Variants in CEPT1 observed in about 807,000 individuals in gnomAD.
CEPT1 encodes the protein choline/ethanolaminephosphotransferase 1.
CEPT1 carries 7 observed loss-of-function variants against 42.6 expected under a neutral mutation model. The observed-to-expected ratio is 0.16, with a 90% CI of 0.09 to 0.31. The LOEUF is 0.31. Ranked by LOEUF, CEPT1 falls within the 10% of genes least tolerant of loss-of-function variation. The pLI is 1.00. For synonymous variants in CEPT1, 171 were observed against 171.9 expected, an observed-to-expected ratio of 0.99 and a Z score of 0.04; for missense variants, 306 against 502.1, an observed-to-expected ratio of 0.61 and a Z score of 3.73.
intron 8 of CEPT1, among the ~76,000 whole-genome samples, 194 bp downstream of exon 8, chr1:111,183,781 A>G (rs79558412): frequency 0.017 from 2,662 of 152,242 alleles, 84 homozygotes; most frequent in African/African-American, 0.06. Flanking sequence ...CATTAATCTT[A>G]CTAGTCCTGC....
Position 111,182,864 on chromosome 1 carries a change from C to T in CEPT1, c.912C>T (p.Tyr304=), listed in dbSNP as rs1262737696. The change falls in exon 7 of 9, where the codon TAC becomes TAT. Residue 304 remains tyrosine (Y), a synonymous_variant. Coordinates refer to ENST00000357172, the MANE Select transcript of CEPT1 (RefSeq NM_006090.5). ...TGATTACATTAGCTGCAATGATCTACAAGAAATCTGCAGTTCAGCTTTTTG... is the reference window on the plus strand; with the variant it reads ...TGATTACATTAGCTGCAATGATCTATAAGAAATCTGCAGTTCAGCTTTTTG... The part of the protein sequence containing the change: ...GSVITLAAMI[Y]KKSAVQLFEK... 1.9e-6 allele frequency: 3 copies of T among 1,613,356 alleles called. No homozygotes were observed. Among genetic ancestry groups the T allele is most frequent in the South Asian group, 2.2e-5 (2 of 91,066 alleles).
chr1:111,142,811 CAAAA>C (rs1352049364), intron 1 of CEPT1, among the ~76,000 whole-genome samples: 1 of 151,854 alleles, frequency 6.6e-6, no homozygotes, highest in East Asian at 1.9e-4. Context: ...CACAAACAAA[CAAAA>C]AAAGTTCAAA....
At chr1:111,180,686 A>AT (rs555187061) in intron 5 of CEPT1, 2 of 152,336 alleles carry the variant, frequency 1.3e-5, no homozygotes, top group South Asian at 4.1e-4. Flanking sequence ...AAGAGGTAAC[A>AT]GAGTTATCTC....
rs1655853228 is a variant in CEPT1, at chr1:111,161,248, A to G, written c.581A>G (p.Tyr194Cys). The G allele has an allele frequency of 1.9e-6, 3 of 1,613,902 alleles. No individual in the cohort carries two copies. Among genetic ancestry groups the G allele is most frequent in the Non-Finnish European group, 1.7e-6 (2 of 1,179,896 alleles). ...TGTTTTGCGGGGACATTTATGTTCT[A>G]TTGTGCGCACTGGCAAACGTATGTT... The part of the protein sequence containing the change: ...FCCFAGTFMF[Y>C]CAHWQTYVSG... The change falls in exon 4 of 9, where the codon TAT becomes TGT. Residue 194 changes from tyrosine (Y) to cysteine (C), a missense_variant. Tyr to Cys is a radical substitution (Grantham distance 194). Transcript: ENST00000357172.
chr1:111,167,438 C>G, intron 4 of CEPT1: 1 of 879,686 alleles, frequency 1.1e-6, no homozygotes, highest in Non-Finnish European at 1.4e-6. Context: ...TCCTGTTTGC[C>G]TATTGTGCCT....
At chr1:111,151,128 GTTT>G (rs34545608) in intron 2 of CEPT1, among the ~76,000 whole-genome samples, 2 of 135,142 alleles carry the variant, frequency 1.5e-5, no homozygotes, top group Non-Finnish European at 3.1e-5. Flanking sequence ...TTTTTTGTTT[GTTT>G]TTTTTTTTTT....
At chr1:111,149,158 G>A (rs191671152) in intron 2 of CEPT1, among the ~76,000 whole-genome samples, 39 of 151,802 alleles carry the variant, frequency 2.6e-4, no homozygotes, top group Non-Finnish European at 4.6e-4. Flanking sequence ...CAGAACATGT[G>A]ATTTCTGTTA....
chr1:111,161,050 G>T (rs978424457), intron 3 of CEPT1, 105 bp from the exon 4 acceptor site: 1 of 1,115,502 alleles, frequency 9.0e-7, no homozygotes, highest in African/African-American at 1.5e-5. Flanking sequence ...ACTGAGAGAA[G>T]ATTATGCATT....
chr1:111,182,861 C>G lies in CEPT1; in HGVS notation c.909C>G (p.Ile303Met). 6.2e-7 allele frequency: 1 copy of G among 1,613,558 alleles called. No homozygotes were observed. Among genetic ancestry groups the G allele is most frequent in the East Asian group, 2.2e-5 (1 of 44,858 alleles). The change falls in exon 7 of 9, where the codon ATC (isoleucine) becomes ATG (methionine). Residue 303 changes from isoleucine (I) to methionine (M), a missense_variant. Ile to Met is a conservative substitution (Grantham distance 10). Around this residue, in one of 2 missense-constraint regions of CEPT1, gnomAD observed 253 missense variants for 447.3 expected, o/e 0.57. Transcript: ENST00000357172. ...IGSVITLAAM[I>M]YKKSAVQLFE... is the part of the protein sequence containing the mutation. Reference sequence around the variant, plus strand: ...CAGTGATTACATTAGCTGCAATGATCTACAAGAAATCTGCAGTTCAGCTTT... The same window carrying G: ...CAGTGATTACATTAGCTGCAATGATGTACAAGAAATCTGCAGTTCAGCTTT...
intron 1 of CEPT1, among the ~76,000 whole-genome samples, chr1:111,146,985 G>C (rs958601521): frequency 4.6e-5 from 7 of 151,616 alleles, no homozygotes; most frequent in African/African-American, 1.7e-4. Context: ...ATACTACTTG[G>C]TTTAGTTTAA....
intron 4 of CEPT1, among the ~76,000 whole-genome samples, chr1:111,166,894 A>G (rs1425312307): frequency 6.6e-6 from 1 of 152,068 alleles, no homozygotes; most frequent in African/African-American, 2.4e-5. Context: ...TACAGTTTTA[A>G]TTTTTTTAAC....
chr1:111,175,780 A>G (rs761864434), intron 5 of CEPT1, among the ~76,000 whole-genome samples: 11 of 152,172 alleles, frequency 7.2e-5, no homozygotes, highest in Admixed American at 2.0e-4. Flanking sequence ...GTTTTAATGT[A>G]TTCTTTCAGA....
chr1:111,165,192 G>A (rs1435286670), intron 4 of CEPT1, among the ~76,000 whole-genome samples: 11 of 150,660 alleles, frequency 7.3e-5, no homozygotes, highest in Admixed American at 3.3e-4. Context: ...GGGACTACAG[G>A]CACCCGCCAC....
At position 111,182,921 on chromosome 1, in the gene CEPT1, T is replaced by C; in HGVS notation, c.969T>C (p.Phe323=). ...EKHPCLYILT[F]GFVSAKITNK... is the part of the protein sequence containing the mutation. ...ATCCCTGTCTTTATATACTGACATT[T>C]GGTTTTGTGTCTGCTAAAATCACTA... The change falls in exon 7 of 9, where the codon TTT becomes TTC. Residue 323 remains phenylalanine, a synonymous_variant. Coordinates refer to ENST00000357172, the MANE Select transcript of CEPT1 (RefSeq NM_006090.5). The C allele has an allele frequency of 6.2e-7, 1 of 1,613,620 alleles. No homozygotes were observed. The highest frequency in any genetic ancestry group is 8.5e-7 in the Non-Finnish European group (1 of 1,179,708).
intron 2 of CEPT1, among the ~76,000 whole-genome samples, chr1:111,150,336 T>C (rs1208298107): frequency 6.6e-6 from 1 of 152,208 alleles, no homozygotes; most frequent in Non-Finnish European, 1.5e-5. Context: ...AAATAGTAGA[T>C]GGTTATTGTT....
intron 4 of CEPT1, among the ~76,000 whole-genome samples, chr1:111,162,311 A>C (rs1222960976): frequency 6.6e-6 from 1 of 152,254 alleles, no homozygotes; most frequent in Non-Finnish European, 1.5e-5. Flanking sequence ...GTGAATGATG[A>C]AGCATGCACT....
chr1:111,144,983 A>C (rs1225262708), intron 1 of CEPT1, among the ~76,000 whole-genome samples: 1 of 152,074 alleles, frequency 6.6e-6, no homozygotes, highest in Non-Finnish European at 1.5e-5. Flanking sequence ...AATGTAAGAA[A>C]TTAGCTTTGA....
intron 4 of CEPT1, among the ~76,000 whole-genome samples, chr1:111,168,636 C>T (rs1363484479): frequency 6.6e-6 from 1 of 152,000 alleles, no homozygotes; most frequent in Non-Finnish European, 1.5e-5. Flanking sequence ...CTACAGGCGC[C>T]CACCACCATG....
chr1:111,152,677 A>G (rs770010904), intron 2 of CEPT1, among the ~76,000 whole-genome samples: 1 of 152,194 alleles, frequency 6.6e-6, no homozygotes, highest in African/African-American at 2.4e-5. Flanking sequence ...AGATTGCATG[A>G]TGAATTGGAG....
Sources: allele counts gnomAD v4.1 joint callset (sites outside exome capture counted in the v4.1 genomes callset), GRCh38; gene constraint gnomAD v4.1.1; regional missense constraint gnomAD v4.1.1; transcripts MANE v1.5; gene names NCBI Gene and HGNC (gene_info 2026-07-23, HGNC 2026-07-21).